The following MAP7 variants were observed in gnomAD, a reference collection of about 807,000 sequenced individuals.
The protein encoded by MAP7 is ensconsin.
MAP7 carries 52 observed loss-of-function variants against 94.8 expected under a neutral mutation model. The ratio of observed to expected loss-of-function variants is 0.55; its 90% CI spans 0.44 to 0.69. The LOEUF is 0.69. Among genes scored for constraint, MAP7 ranks in the 30% least tolerant of loss-of-function variants. The probability of loss-of-function intolerance (pLI) is 0.00; values close to 1 mark genes in which losing one functional copy is unlikely to be tolerated. For synonymous variants in MAP7, 350 were observed against 357.0 expected, an observed-to-expected ratio of 0.98 and a Z score of 0.22; for missense variants, 940 against 964.6, an observed-to-expected ratio of 0.97 and a Z score of 0.34.
At chr6:136,394,414 T>C (rs546753752) in intron 3 of MAP7, among the ~76,000 whole-genome samples, 49 of 151,660 alleles carry the variant, frequency 3.2e-4, no homozygotes, top group African/African-American at 1.1e-3. Context: ...CAGTTACCTA[T>C]TGATAGGTTT....
At chr6:136,371,873 C>T (rs189466553) in intron 8 of MAP7, among the ~76,000 whole-genome samples, 34 of 152,250 alleles carry the variant, frequency 2.2e-4, no homozygotes, top group African/African-American at 7.7e-4. Flanking sequence ...TACCTCAGCC[C>T]GTAATAATAA....
chr6:136,469,031 A>G (rs1382005300), intron 1 of MAP7, among the ~76,000 whole-genome samples: 2 of 152,180 alleles, frequency 1.3e-5, no homozygotes, highest in Admixed American at 1.3e-4. Flanking sequence ...TTCATCCAGA[A>G]AAACAGCTGA....
intron 3 of MAP7, 111 bp from the exon 4 acceptor site, chr6:136,389,628 CT>C: frequency 2.1e-6 from 2 of 960,542 alleles, no homozygotes; most frequent in Non-Finnish European, 3.1e-6. Context: ...AATATGGGTT[CT>C]TTAGTTTTGT....
chr6:136,460,848 A>G (rs1410331463), intron 1 of MAP7, among the ~76,000 whole-genome samples: 2 of 152,110 alleles, frequency 1.3e-5, no homozygotes, highest in African/African-American at 4.8e-5. Context: ...CACTTAATTT[A>G]ATAGTTCCTG....
At chr6:136,362,231 G>A (rs1793026214) in intron 11 of MAP7, among the ~76,000 whole-genome samples, 1 of 151,938 alleles carries the variant, frequency 6.6e-6, no homozygotes, top group Non-Finnish European at 1.5e-5. Context: ...GACCAGCCTG[G>A]GCAATATAGT....
At chr6:136,434,097 G>C (rs1196529666) in intron 1 of MAP7, among the ~76,000 whole-genome samples, 1 of 152,104 alleles carries the variant, frequency 6.6e-6, no homozygotes, top group African/African-American at 2.4e-5. Flanking sequence ...GCTGAGCTCA[G>C]GAGTTCGAGA....
At chr6:136,388,887 T>G (rs925457139) in intron 4 of MAP7, among the ~76,000 whole-genome samples, 1 of 152,196 alleles carries the variant, frequency 6.6e-6, no homozygotes, top group African/African-American at 2.4e-5. Context: ...TCTGAGAACA[T>G]GGGTAACCCT....
chr6:136,365,860 T>C lies in MAP7; in HGVS notation c.1148A>G (p.Lys383Arg). The C allele has an allele frequency of 2.5e-6, 4 of 1,614,164 alleles. No individual in the cohort carries two copies. The highest frequency in any genetic ancestry group is 3.4e-6 in the Non-Finnish European group (4 of 1,180,022). Reference sequence around the variant, plus strand: ...TTTCTGAGGTTCCTTCTCAGGATCTTTCTTCTCAGGCTCCACTTTGACTTC... The same window carrying C: ...TTTCTGAGGTTCCTTCTCAGGATCTCTCTTCTCAGGCTCCACTTTGACTTC... ...KREVKVEPEKKDPEKEPQKVA... is the reference protein window; with the variant it reads ...KREVKVEPEKRDPEKEPQKVA... The change falls in exon 10 of 18, where the codon AAA becomes AGA. Residue 383 changes from lysine to arginine, a missense_variant. Coordinates refer to ENST00000354570, the MANE Select transcript of MAP7 (RefSeq NM_003980.6).
chr6:136,459,778 T>C (rs1043998253), intron 1 of MAP7, among the ~76,000 whole-genome samples: 1 of 152,078 alleles, frequency 6.6e-6, no homozygotes, highest in African/African-American at 2.4e-5. Flanking sequence ...ATTCAATGGG[T>C]ATAAAGTTTC....
Position 136,443,449 on chromosome 6 carries a change from C to CTT in MAP7, c.68-21652_68-21651dup, listed in dbSNP as rs149514831. On this transcript the variant is annotated intron_variant, in intron 1 of 17. Coordinates refer to ENST00000354570, the MANE Select transcript of MAP7 (RefSeq NM_003980.6). The stretch of plus-strand genomic sequence containing the variant: ...GTTTCTCACATACATTCCCCTTCTA[C>CTT]TTTTTTTTTTTTTTTTTTTTGAGAT... Among the ~76,000 whole-genome samples the CTT allele has an allele frequency of 1.4e-3, 144 of 99,928 alleles. 4 individuals carry two copies. Among genetic ancestry groups the CTT allele is most frequent in the African/African-American group, 4.5e-3 (122 of 27,244 alleles). The allele number at this position is 99,928 out of a possible 152,430, so 65.6% of individuals were successfully genotyped here.
At chr6:136,486,025 A>G (rs1814630049) in intron 1 of MAP7, among the ~76,000 whole-genome samples, 2 of 152,212 alleles carry the variant, frequency 1.3e-5, no homozygotes, top group African/African-American at 4.8e-5. Flanking sequence ...GACCAATTAG[A>G]GTAATAAACC....
chr6:136,350,670 C>T lies in MAP7; in HGVS notation c.2016-4591G>A, dbSNP rs369369058. 6.6e-5 allele frequency among the ~76,000 whole-genome samples: 10 copies of T among 152,258 alleles called. 1 individual carries two copies. The South Asian group carries it at 1.9e-3, about 28-fold the overall frequency. On this transcript the variant is annotated intron_variant, in intron 16 of 17. Coordinates refer to ENST00000354570, the MANE Select transcript of MAP7 (RefSeq NM_003980.6). ...GAGTTTGAGACTAGCCTGGGCAACACAGGGAGACCTAATCTCTATAAAAAT... is the reference window on the plus strand; with the variant it reads ...GAGTTTGAGACTAGCCTGGGCAACATAGGGAGACCTAATCTCTATAAAAAT...
At chr6:136,402,585 T>C (rs998188306) in intron 3 of MAP7, among the ~76,000 whole-genome samples, 1 of 152,092 alleles carries the variant, frequency 6.6e-6, no homozygotes, top group Admixed American at 6.5e-5. Flanking sequence ...GCTTTTCTTA[T>C]ATGTAGGCTG....
chr6:136,524,105 A>C (rs915006057), intron 1 of MAP7, among the ~76,000 whole-genome samples: 7 of 152,030 alleles, frequency 4.6e-5, no homozygotes, highest in Non-Finnish European at 8.8e-5. Context: ...GTAGCTGGGC[A>C]TGGTGGCAGG....
At chr6:136,412,589 G>A (rs982364101) in intron 2 of MAP7, among the ~76,000 whole-genome samples, 1 of 152,142 alleles carries the variant, frequency 6.6e-6, no homozygotes, top group Non-Finnish European at 1.5e-5. Flanking sequence ...TAGAAAGTAA[G>A]TGCAAAGGCC....
chr6:136,383,777 T>C lies in MAP7; in HGVS notation c.531A>G (p.Pro177=). ...TCATGGTGGAAACTGACCGCCTGTCTGGATCTAAAACAAATGGAGATAATG... is the reference window on the plus strand; with the variant it reads ...TCATGGTGGAAACTGACCGCCTGTCCGGATCTAAAACAAATGGAGATAATG... ...HGSPSIHSAD[P]DRRSVSTMNL... Residue 177 remains proline (P), a synonymous_variant, in exon 6 of 18, where the codon CCA becomes CCG. Coordinates refer to ENST00000354570, the MANE Select transcript of MAP7 (RefSeq NM_003980.6). 4 of 1,595,590 alleles carry C rather than the reference T, an allele frequency of 2.5e-6. No homozygotes were observed. The highest frequency in any genetic ancestry group is 3.4e-6 in the Non-Finnish European group (4 of 1,164,288).
intron 1 of MAP7, among the ~76,000 whole-genome samples, chr6:136,486,047 C>T (rs530911964): frequency 6.6e-6 from 1 of 152,250 alleles, no homozygotes; most frequent in South Asian, 2.1e-4. Flanking sequence ...TCACAGCCTG[C>T]TTGCTGCTGT....
intron 16 of MAP7, among the ~76,000 whole-genome samples, chr6:136,351,348 A>G (rs967068610): frequency 6.6e-6 from 1 of 152,216 alleles, no homozygotes; most frequent in African/African-American, 2.4e-5. Flanking sequence ...CACTGCAGCT[A>G]CACCTAGTGT....
In MAP7 at chr6:136,389,199, C is replaced by A. The variant is rs527350379; in HGVS notation, c.408+155G>T. On this transcript the variant is annotated intron_variant, in intron 4 of 17. Transcript: ENST00000354570. ...ATCAGCCCATTCGCTACCTCTCATA[C>A]CCTGAACTCCCTAGAAACTGTAGCC... 3.3e-5 allele frequency among the ~76,000 whole-genome samples: 5 copies of A among 152,262 alleles called. No individual in the cohort carries two copies. In the South Asian group the frequency reaches 1.0e-3, roughly 32 times the overall value.
Sources: allele counts gnomAD v4.1 joint callset (sites outside exome capture counted in the v4.1 genomes callset), GRCh38; gene constraint gnomAD v4.1.1; transcripts MANE v1.5; gene names NCBI Gene and HGNC (gene_info 2026-07-23, HGNC 2026-07-21).